Variants in TAMM41 observed in about 807,000 individuals in gnomAD.
TAMM41 encodes the protein phosphatidate cytidylyltransferase, mitochondrial.
Under a neutral mutation model 44.1 loss-of-function variants are expected in TAMM41, and 36 were observed. That is an observed-to-expected ratio of 0.82 (90% CI 0.63 to 1.08). The LOEUF is 1.08. Ranked by LOEUF, TAMM41 falls within the 50% of genes least tolerant of loss-of-function variation. TAMM41 has a pLI of 0.00. For synonymous variants in TAMM41, 164 were observed against 153.1 expected (o/e 1.07, Z -0.53); for missense variants, 417 against 404.3 (o/e 1.03, Z -0.27).
At chr3:11,754,385 A>AT in the TAMM41 span, among the ~76,000 whole-genome samples, 3 of 151,810 alleles carry the variant, frequency 2.0e-5, no homozygotes, top group Admixed American at 6.6e-5. Context: ...TCTTCTTATT[A>AT]TTTTTTTAGG....
chr3:11,846,608 C>G lies in TAMM41; in HGVS notation c.29G>C (p.Trp10Ser). The change falls in exon 1 of 8, where the codon TGG (tryptophan) becomes TCG (serine). Residue 10 changes from tryptophan (W) to serine (S), a missense_variant. Physicochemically the swap from Trp to Ser is radical, Grantham distance 177. Transcript: ENST00000455809. MALQTLQSS[W>S]VTFRKILSHF... ...AGACAGGATCTTGCGGAAGGTCACC[C>G]ACGAGCTCTGCAGCGTCTGCAGCGC... 1 of 1,614,246 alleles carries G rather than the reference C, an allele frequency of 6.2e-7. No homozygotes were observed. Among genetic ancestry groups the G allele is most frequent in the Non-Finnish European group, 8.5e-7 (1 of 1,180,042 alleles).
the TAMM41 span, among the ~76,000 whole-genome samples, chr3:11,749,951 G>T: frequency 6.7e-6 from 1 of 149,896 alleles, no homozygotes; most frequent in African/African-American, 2.5e-5. Flanking sequence ...AGGCTGGAGT[G>T]CAGTGGCACG....
the TAMM41 span, among the ~76,000 whole-genome samples, chr3:11,722,246 G>C: frequency 6.6e-6 from 1 of 152,016 alleles, no homozygotes; most frequent in Non-Finnish European, 1.5e-5. Context: ...CCTTTGCAAG[G>C]ATTAATCTCA....
At chr3:11,832,507 T>G (rs530445428) in intron 3 of TAMM41, among the ~76,000 whole-genome samples, 1 of 152,274 alleles carries the variant, frequency 6.6e-6, no homozygotes, top group South Asian at 2.1e-4. Context: ...TGGGTGCAGG[T>G]CCTAAAACCA....
intron 3 of TAMM41, among the ~76,000 whole-genome samples, chr3:11,832,279 A>G (rs2079012578): frequency 1.0e-5 from 1 of 98,418 alleles, no homozygotes; most frequent in Non-Finnish European, 1.8e-5. Context: ...AACATTCAGA[A>G]AAACAAAAAA....
At chr3:11,736,442 T>C in the TAMM41 span, among the ~76,000 whole-genome samples, 1 of 152,202 alleles carries the variant, frequency 6.6e-6, no homozygotes, top group African/African-American at 2.4e-5. Context: ...CAAGATGCCT[T>C]TTATTAGCTT....
rs2079730604 is a variant in TAMM41, at chr3:11,846,880, T to C, written c.-244A>G. The C allele has an allele frequency of 1.9e-6, 1 of 517,228 alleles. No individual in the cohort carries two copies. The highest frequency in any genetic ancestry group is 3.5e-6 in the Non-Finnish European group (1 of 285,192). The allele number at this position is 517,228 out of a possible 1,614,324, so 32.0% of individuals were successfully genotyped here. A position where few individuals can be genotyped will look rare whatever the true frequency, so the allele number is the denominator to read the frequency against. On this transcript the variant is annotated 5_prime_UTR_variant, in exon 1 of 8. Coordinates refer to ENST00000455809, the MANE Select transcript of TAMM41 (RefSeq NM_001284401.2). ...TGGGCGGCGGTCGCACAGGCAGAGC[T>C]TCCGTCCCTTGCTACGCCCCACGCA...
At chr3:11,740,634 G>C in the TAMM41 span, among the ~76,000 whole-genome samples, 8 of 151,892 alleles carry the variant, frequency 5.3e-5, no homozygotes, top group Admixed American at 5.2e-4. Flanking sequence ...CCAGGCTAGA[G>C]TGCAATGGTG....
Position 11,839,221 on chromosome 3 carries a change from C to A in TAMM41, c.411+1G>T, listed in dbSNP as rs780204589. The A allele has an allele frequency of 1.9e-6, 3 of 1,608,288 alleles. No homozygotes were observed. The highest frequency in any genetic ancestry group is 2.6e-6 in the Non-Finnish European group (3 of 1,175,498). On this transcript the variant is annotated splice_donor_variant, in intron 3 of 7. Transcript: ENST00000455809. LOFTEE classifies it high-confidence loss of function. Reference sequence around the variant, plus strand: ...AACTGTGCAGCCTATAAAACACTCACCGGTTTTTGGAGTCGTCCAGCAATG... The same window carrying A: ...AACTGTGCAGCCTATAAAACACTCAACGGTTTTTGGAGTCGTCCAGCAATG...
the TAMM41 span, among the ~76,000 whole-genome samples, chr3:11,759,642 C>A: frequency 6.6e-6 from 1 of 152,010 alleles, no homozygotes; most frequent in Non-Finnish European, 1.5e-5. Context: ...CAGGTTTTAG[C>A]GTCTAGATGA....
At chr3:11,732,749 A>G in the TAMM41 span, among the ~76,000 whole-genome samples, 3 of 152,080 alleles carry the variant, frequency 2.0e-5, no homozygotes, top group African/African-American at 7.2e-5. Context: ...AATCTAGGGG[A>G]AAAAGATTTC....
At chr3:11,794,578 T>C (rs2077561018) in intron 7 of TAMM41, among the ~76,000 whole-genome samples, 1 of 152,130 alleles carries the variant, frequency 6.6e-6, no homozygotes, top group Admixed American at 6.5e-5. Context: ...CTAGTCATTA[T>C]GAATTCTGGT....
chr3:11,769,449 G>C, the TAMM41 span, among the ~76,000 whole-genome samples: 1 of 151,550 alleles, frequency 6.6e-6, no homozygotes, highest in African/African-American at 2.4e-5. Flanking sequence ...GATGGATTAA[G>C]GGGTCAGCAG....
At chr3:11,793,083 A>AAAAAAAAAAAAAAAAAAAAG (rs1553566249) in intron 7 of TAMM41, among the ~76,000 whole-genome samples, 2 of 132,636 alleles carry the variant, frequency 1.5e-5, no homozygotes, top group African/African-American at 5.4e-5. Context: ...AAAAAAAAAA[A>AAAAAAAAAAAAAAAAAAAAG]AGAGAGTGAA....
intron 4 of TAMM41, among the ~76,000 whole-genome samples, chr3:11,820,615 G>A (rs1006045396): frequency 1.3e-5 from 2 of 152,168 alleles, no homozygotes; most frequent in Non-Finnish European, 2.9e-5. Flanking sequence ...TAGCTCAACC[G>A]CAGGGGATAG....
the TAMM41 span, among the ~76,000 whole-genome samples, chr3:11,726,016 G>A: frequency 3.9e-5 from 6 of 152,284 alleles, no homozygotes; most frequent in East Asian, 1.2e-3. Context: ...CCAATAAGTA[G>A]TTTGTATTCC....
At chr3:11,732,583 G>A in the TAMM41 span, among the ~76,000 whole-genome samples, 49 of 152,312 alleles carry the variant, frequency 3.2e-4, no homozygotes, top group South Asian at 9.7e-3. Flanking sequence ...ATAATGGCAA[G>A]TGCTATGAAG....
chr3:11,807,969 T>G, intron 6 of TAMM41, 74 bp from the exon 7 acceptor site: 7 of 1,455,186 alleles, frequency 4.8e-6, no homozygotes, highest in Non-Finnish European at 6.3e-6. Context: ...GTTTTAAAAC[T>G]TGAAACTAAA....
intron 5 of TAMM41, among the ~76,000 whole-genome samples, chr3:11,813,828 A>ATGTGTGTGTGTGTG (rs143683206): frequency 8.7e-4 from 125 of 143,088 alleles, no homozygotes; most frequent in African/African-American, 1.9e-3. Context: ...GTACAAATAT[A>ATGTGTGTGTGTGTG]TGTGTGTGTG....
Sources: allele counts gnomAD v4.1 joint callset (sites outside exome capture counted in the v4.1 genomes callset), GRCh38; gene constraint gnomAD v4.1.1; transcripts MANE v1.5; gene names NCBI Gene and HGNC (gene_info 2026-07-23, HGNC 2026-07-21).